SLC44A2: variants seen among roughly 807,000 people sequenced by gnomAD.
SLC44A2 encodes choline transporter-like protein 2.
In SLC44A2, 57 loss-of-function variants were observed where a neutral mutation model predicts 90.8. The observed-to-expected ratio is 0.63, with a 90% CI of 0.51 to 0.78. SLC44A2 has a LOEUF of 0.78. SLC44A2 is among the 30% of genes least tolerant of loss of function. SLC44A2 has a pLI of 0.00. For synonymous variants in SLC44A2, 355 were observed against 360.7 expected, an observed-to-expected ratio of 0.98 and a Z score of 0.18; for missense variants, 794 against 919.7, an observed-to-expected ratio of 0.86 and a Z score of 1.77.
At chr19:10,608,275 A>T (rs1568441511) in intron 1 of SLC44A2, among the ~76,000 whole-genome samples, 1 of 150,066 alleles carries the variant, frequency 6.7e-6, no homozygotes, top group Non-Finnish European at 1.5e-5. Flanking sequence ...TGCCTTGGCT[A>T]GCCTAGAACT....
At position 10,632,175 on chromosome 19, in the gene SLC44A2, G is replaced by A; in HGVS notation, c.823+19G>A. ...GGCTACGGTGCGTCACCCCCTCCCT[G>A]TGGCTTCTCTTTCCTGAATCCGCAC... On this transcript the variant is annotated intron_variant, in intron 10 of 21. Coordinates refer to ENST00000335757, the MANE Select transcript of SLC44A2 (RefSeq NM_020428.4). 1 of 1,597,810 alleles carries A rather than the reference G, an allele frequency of 6.3e-7. No individual in the cohort carries two copies. The highest frequency in any genetic ancestry group is 1.7e-4 in the Middle Eastern group (1 of 5,756).
chr19:10,625,602 C>T lies in SLC44A2; in HGVS notation c.-32C>T. 1 of 1,242,558 alleles carries T rather than the reference C, an allele frequency of 8.0e-7. No individual in the cohort carries two copies. Among genetic ancestry groups the T allele is most frequent in the Non-Finnish European group, 1.0e-6 (1 of 989,642 alleles). 77.0% of individuals were successfully genotyped at this position (1,242,558 alleles called of 1,614,324 possible). A position where few individuals can be genotyped will look rare whatever the true frequency, so the allele number is the denominator to read the frequency against. On this transcript the variant is annotated 5_prime_UTR_variant, in exon 1 of 22. Coordinates refer to ENST00000335757, the MANE Select transcript of SLC44A2 (RefSeq NM_020428.4). ...GGTCGAGGGGGCGCGGGAGAGAGCG[C>T]GGGCGGCCGCCGGGGCTGGTCGCCT... is the stretch of plus-strand genomic sequence containing the variant.
rs1232465011 is a variant in SLC44A2 at position 10,643,358 on chromosome 19, G to C, written c.2094G>C (p.Lys698Asn). ...MSSTLKKLLN[K>N]TNKKAAES is the part of the protein sequence containing the mutation. ...CCACCCTCAAGAAACTCTTGAACAA[G>C]ACCAACAAGAAGGCAGCGGAGTCCT... The change falls in exon 22 of 22, where the codon AAG becomes AAC. Residue 698 changes from lysine to asparagine, a missense_variant. Lys to Asn is a moderately conservative substitution (Grantham distance 94, BLOSUM62 0). Around this residue, in one of 3 missense-constraint regions of SLC44A2, gnomAD observed 44 missense variants for 43.9 expected, o/e 1.00. Coordinates refer to ENST00000335757, the MANE Select transcript of SLC44A2 (RefSeq NM_020428.4). The C allele has an allele frequency of 6.2e-7, 1 of 1,612,908 alleles. No homozygotes were observed. Among genetic ancestry groups the C allele is most frequent in the Middle Eastern group, 1.7e-4 (1 of 6,058 alleles).
upstream of SLC44A2, among the ~76,000 whole-genome samples, chr19:10,624,107 C>T (rs965366554): frequency 6.6e-6 from 1 of 152,102 alleles, no homozygotes; most frequent in Non-Finnish European, 1.5e-5. Context: ...AAGTGATTCT[C>T]CTGCCTCAGC....
chr19:10,614,301 G>A (rs1467803586), intron 1 of SLC44A2, among the ~76,000 whole-genome samples: 1 of 151,910 alleles, frequency 6.6e-6, no homozygotes, highest in Non-Finnish European at 1.5e-5. Flanking sequence ...CCAAGGCATT[G>A]GTGTCTTGTT....
intron 1 of SLC44A2, among the ~76,000 whole-genome samples, chr19:10,619,448 T>G (rs527461923): frequency 7.7e-5 from 9 of 116,418 alleles, no homozygotes; most frequent in South Asian, 2.9e-4. Context: ...AAAAAAAGTG[T>G]TTTTTTTTTT....
upstream of SLC44A2, among the ~76,000 whole-genome samples, chr19:10,621,442 G>T (rs10417357): frequency 0.69 from 71,271 of 103,178 alleles, 22,269 homozygotes; most frequent in Admixed American, 0.72. Flanking sequence ...TTTTTTTTTT[G>T]GTTTTTGTGG....
At chr19:10,609,637 A>C (rs1918226738) in intron 1 of SLC44A2, among the ~76,000 whole-genome samples, 2 of 151,624 alleles carry the variant, frequency 1.3e-5, no homozygotes, top group Admixed American at 6.6e-5. Flanking sequence ...ACACATTATT[A>C]GTTTTTTTGT....
At chr19:10,629,621 A>C (rs1013791179) in intron 4 of SLC44A2, among the ~76,000 whole-genome samples, 1 of 150,946 alleles carries the variant, frequency 6.6e-6, no homozygotes, top group African/African-American at 2.4e-5. Context: ...ACAGTGTCTC[A>C]CTCTGTCAGC....
chr19:10,637,780 C>T lies in SLC44A2; in HGVS notation c.1695+33C>T, dbSNP rs762748176. The T allele has an allele frequency of 8.1e-6, 13 of 1,613,240 alleles. No homozygotes were observed. In the South Asian group the frequency reaches 9.9e-5, roughly 12 times the overall value. On this transcript the variant is annotated intron_variant, in intron 17 of 21. Transcript: ENST00000335757. ...GGCCTGGGACCCCCAACCAACCCGC[C>T]AGCTCCTGCTGGGTGAGAGGACCAC...
At chr19:10,608,933 G>A (rs1190683437) in intron 1 of SLC44A2, among the ~76,000 whole-genome samples, 2 of 150,004 alleles carry the variant, frequency 1.3e-5, no homozygotes, top group African/African-American at 4.9e-5. Flanking sequence ...CTAGAGTCGT[G>A]AGCCACTGCA....
chr19:10,634,930 G>GA, intron 11 of SLC44A2, 43 bp downstream of exon 11: 1 of 1,614,192 alleles, frequency 6.2e-7, no homozygotes, highest in South Asian at 1.1e-5. Context: ...TGAGGCCTTG[G>GA]AGGGAGTGGG....
chr19:10,621,409 G>A (rs2066893421), upstream of SLC44A2, among the ~76,000 whole-genome samples: 1 of 147,946 alleles, frequency 6.8e-6, no homozygotes, highest in South Asian at 2.1e-4. Flanking sequence ...AGAGAGGAAA[G>A]GGATGGTTGG....
chr19:10,616,941 AG>A (rs1419697374), intron 1 of SLC44A2, among the ~76,000 whole-genome samples: 1 of 151,482 alleles, frequency 6.6e-6, no homozygotes, highest in Non-Finnish European at 1.5e-5. Flanking sequence ...TATTTTTTTG[AG>A]ATGGAGTCTT....
At chr19:10,625,767 G>A in intron 1 of SLC44A2, 97 bp downstream of exon 1, 1 of 1,087,844 alleles carries the variant, frequency 9.2e-7, no homozygotes, top group Non-Finnish European at 1.2e-6. Context: ...GGGCTGGAGG[G>A]GGAGCGCAAT....
At chr19:10,624,864 G>T (rs917077701), upstream of SLC44A2, among the ~76,000 whole-genome samples, 17 of 152,204 alleles carry the variant, frequency 1.1e-4, no homozygotes, top group African/African-American at 4.1e-4. Context: ...ACCAGGCCCA[G>T]TAGTGCACGC....
chr19:10,635,527 C>T lies in SLC44A2; in HGVS notation c.1233+12C>T, dbSNP rs781418393. On this transcript the variant is annotated intron_variant, in intron 14 of 21. Transcript: ENST00000335757. ...CCTGCAACCCAGAGGTGGGCGTCCCCGGGGTGGGGAGGGCAGGTATTGCCC... is the reference window on the plus strand; with the variant it reads ...CCTGCAACCCAGAGGTGGGCGTCCCTGGGGTGGGGAGGGCAGGTATTGCCC... The T allele has an allele frequency of 1.2e-4, 191 of 1,609,436 alleles. 1 individual carries two copies. The highest frequency in any genetic ancestry group is 1.5e-4 in the Non-Finnish European group (181 of 1,178,498).
chr19:10,640,204 T>C (rs1057334845), intron 20 of SLC44A2, among the ~76,000 whole-genome samples: 19 of 150,904 alleles, frequency 1.3e-4, no homozygotes, highest in African/African-American at 4.4e-4. Context: ...GATTCTCCTG[T>C]CTCAGCTCCC....
chr19:10,641,432 G>A (rs1328863462), intron 20 of SLC44A2: 9 of 439,916 alleles, frequency 2.0e-5, no homozygotes, highest in African/African-American at 4.1e-5. Flanking sequence ...TCTAGGTGTC[G>A]TAGGTGGTTT....
Sources: allele counts gnomAD v4.1 joint callset (sites outside exome capture counted in the v4.1 genomes callset), GRCh38; gene constraint gnomAD v4.1.1; regional missense constraint gnomAD v4.1.1; transcripts MANE v1.5; gene names NCBI Gene and HGNC (gene_info 2026-07-23, HGNC 2026-07-21).